The following AGAP4 variants were observed in gnomAD, a reference collection of about 807,000 sequenced individuals.
AGAP4 encodes the protein arf-GAP with GTPase, ANK repeat and PH domain-containing protein 4.
AGAP4 carries 13 observed loss-of-function variants against 60.7 expected under a neutral mutation model. The ratio of observed to expected loss-of-function variants is 0.21; its 90% CI spans 0.14 to 0.34. The LOEUF (loss-of-function observed/expected upper bound fraction) is 0.34, where lower values mean the gene tolerates loss of function less well. AGAP4 is among the 10% of genes least tolerant of loss of function. The pLI is 1.00. For synonymous variants in AGAP4, 70 were observed against 339.0 expected, an observed-to-expected ratio of 0.21 and a Z score of 8.72; for missense variants, 169 against 884.0, an observed-to-expected ratio of 0.19 and a Z score of 10.26.
At chr10:45,841,337 G>C (rs1471658182) in intron 4 of AGAP4, among the ~76,000 whole-genome samples, 1 of 148,880 alleles carries the variant, frequency 6.7e-6, no homozygotes, top group Non-Finnish European at 1.5e-5. Context: ...CCTGACCTCA[G>C]ATGATCAGCC....
At position 45,826,654 on chromosome 10, in the gene AGAP4, TG is replaced by T; in HGVS notation, c.1321del (p.Gln441ArgfsTer18). 6 of 1,361,942 alleles carry T rather than the reference TG, an allele frequency of 4.4e-6. No homozygotes were observed. In the African/African-American group the frequency reaches 4.7e-5, roughly 11 times the overall value. The allele number at this position is 1,361,942 out of a possible 1,614,324, so 84.4% of individuals were successfully genotyped here. ...RDAWVQAIQS[Q>X]ILASLQSCES... ...GCATGACTGCAGGCTGGCCAGGATCTGGCTCTGGATGGCTTGGACCCAGGCA... is the reference window on the plus strand; with the variant it reads ...GCATGACTGCAGGCTGGCCAGGATCTGCTCTGGATGGCTTGGACCCAGGCA... On this transcript the variant is annotated frameshift_variant, in exon 8 of 8. Coordinates refer to ENST00000616763, the MANE Select transcript of AGAP4 (RefSeq NM_001276343.3). LOFTEE classifies it high-confidence loss of function.
chr10:45,830,096 C>A (rs1258126595), intron 6 of AGAP4, among the ~76,000 whole-genome samples: 2 of 148,888 alleles, frequency 1.3e-5, no homozygotes, highest in African/African-American at 4.9e-5. Context: ...TTAACAAATA[C>A]CCACAACTGT....
At chr10:45,852,887 A>G (rs2059101735) in intron 1 of AGAP4, among the ~76,000 whole-genome samples, 1 of 151,788 alleles carries the variant, frequency 6.6e-6, no homozygotes, top group Admixed American at 6.6e-5. Context: ...AAGTTACAAA[A>G]TAGTGCCCAT....
rs1232768316 is a variant in AGAP4 at position 45,827,381 on chromosome 10, C to A, written c.595G>T (p.Val199Leu). The A allele has an allele frequency of 3.6e-5, 58 of 1,593,836 alleles. 3 individuals are homozygous for A. In the Middle Eastern group the frequency reaches 8.4e-4, roughly 23 times the overall value. The change falls in exon 8 of 8, where the codon GTG becomes TTG. Residue 199 changes from valine (V) to leucine (L), a missense_variant. Coordinates refer to ENST00000616763, the MANE Select transcript of AGAP4 (RefSeq NM_001276343.3). ...EQLHSFAVST[V>L]HIMKKRNGGG... is the part of the protein sequence containing the mutation. ...CCATTTCTTTTCTTCATAATGTGCA[C>A]GGTGGAAACCTGTGTGGAACAGAAG... is the stretch of plus-strand genomic sequence containing the variant.
upstream of AGAP4, among the ~76,000 whole-genome samples, chr10:45,851,535 T>A (rs1336474207): frequency 6.6e-6 from 1 of 151,710 alleles, no homozygotes; most frequent in African/African-American, 2.4e-5. Context: ...GGTAAAGTAG[T>A]GAACTGGAGG....
rs1250555067 is a variant in AGAP4 at position 45,845,421 on chromosome 10, G to A, written c.293-1027C>T. Among the ~76,000 whole-genome samples, 4 of 101,246 alleles carry A rather than the reference G, an allele frequency of 4.0e-5. 1 individual carries two copies. The highest frequency in any genetic ancestry group is 8.4e-5 in the Non-Finnish European group (4 of 47,602). 66.4% of individuals were successfully genotyped at this position (101,246 alleles called of 152,430 possible). On this transcript the variant is annotated intron_variant, in intron 2 of 7. Transcript: ENST00000616763. Reference sequence around the variant, plus strand: ...GGATGTAATATGTTTATGATGCAATGTTTTCTATTTTGAAAATTTCAGTTT... The same window carrying A: ...GGATGTAATATGTTTATGATGCAATATTTTCTATTTTGAAAATTTCAGTTT...
In AGAP4 at chr10:45,847,482, G is replaced by C; in HGVS notation, c.-135C>G. 4 of 1,529,450 alleles carry C rather than the reference G, an allele frequency of 2.6e-6. No homozygotes were observed. The highest frequency in any genetic ancestry group is 3.5e-6 in the Non-Finnish European group (4 of 1,145,162). 94.7% of individuals were successfully genotyped at this position (1,529,450 alleles called of 1,614,324 possible). On this transcript the variant is annotated 5_prime_UTR_variant, in exon 1 of 8. Coordinates refer to ENST00000616763, the MANE Select transcript of AGAP4 (RefSeq NM_001276343.3). Reference sequence around the variant, plus strand: ...GCTCCTCGCCTGCCCACCTCACAGCGCGGCCCCGGGCACCAGCCCTGGCCC... The same window carrying C: ...GCTCCTCGCCTGCCCACCTCACAGCCCGGCCCCGGGCACCAGCCCTGGCCC...
At chr10:45,849,511 G>A (rs1399917972), upstream of AGAP4, among the ~76,000 whole-genome samples, 1 of 149,126 alleles carries the variant, frequency 6.7e-6, no homozygotes, top group South Asian at 2.1e-4. Context: ...TTGAGATGAA[G>A]TTTTGCTCTT....
At chr10:45,838,801 A>C (rs2058869322) in intron 4 of AGAP4, among the ~76,000 whole-genome samples, 1 of 151,774 alleles carries the variant, frequency 6.6e-6, no homozygotes, top group South Asian at 2.1e-4. Flanking sequence ...AAAATGAACA[A>C]ATCTTAATTA....
At chr10:45,850,187 C>T (rs2059066323), upstream of AGAP4, among the ~76,000 whole-genome samples, 2 of 151,162 alleles carry the variant, frequency 1.3e-5, no homozygotes, top group Admixed American at 1.3e-4. Context: ...CCTTGGCCTC[C>T]CAAAGTGCTG....
intron 4 of AGAP4, among the ~76,000 whole-genome samples, chr10:45,834,837 G>A (rs1480160143): frequency 6.9e-6 from 1 of 145,720 alleles, no homozygotes; most frequent in African/African-American, 2.8e-5. Flanking sequence ...GCAGTGGCGC[G>A]ATCTCGGCTC....
chr10:45,835,473 T>C (rs1431501678), intron 4 of AGAP4, among the ~76,000 whole-genome samples: 17 of 39,774 alleles, frequency 4.3e-4, no homozygotes, highest in African/African-American at 2.0e-3. Flanking sequence ...ACTTGATCAA[T>C]TGCATTCTAT....
At position 45,831,421 on chromosome 10, in the gene AGAP4, A is replaced by G; in HGVS notation, c.506T>C (p.Leu169Ser). ...TTGTGTGATATGATGAGGTATCTCC[A>G]AGGTCACACTGTGGAAGGAAAAAAA... ...YLTMTIISVT[L>S]EIPHHITQRD... The change falls in exon 6 of 8, where the codon TTG becomes TCG. Residue 169 changes from leucine (L) to serine (S), a missense_variant. By Grantham distance (145) the Leu-to-Ser change is moderately radical. Transcript: ENST00000616763. 5 of 1,587,724 alleles carry G rather than the reference A, an allele frequency of 3.1e-6. No individual in the cohort carries two copies. Among genetic ancestry groups the G allele is most frequent in the Non-Finnish European group, 4.3e-6 (5 of 1,171,664 alleles).
chr10:45,849,868 A>G (rs1428729218), upstream of AGAP4, among the ~76,000 whole-genome samples: 3 of 151,380 alleles, frequency 2.0e-5, no homozygotes, highest in Non-Finnish European at 2.9e-5. Context: ...TCAGCCTCCC[A>G]AAGTGCTAGG....
intron 6 of AGAP4, among the ~76,000 whole-genome samples, chr10:45,830,109 G>A (rs2058707318): frequency 6.7e-6 from 1 of 148,974 alleles, no homozygotes; most frequent in Non-Finnish European, 1.5e-5. Flanking sequence ...ACAACTGTCT[G>A]AAAACTTTAA....
upstream of AGAP4, among the ~76,000 whole-genome samples, chr10:45,850,126 A>G (rs1346803450): frequency 6.6e-6 from 1 of 151,732 alleles, no homozygotes; most frequent in African/African-American, 2.4e-5. Context: ...ATGGGGTTTC[A>G]CCATGTTGCT....
At chr10:45,842,388 C>A (rs1450942440) in intron 3 of AGAP4, among the ~76,000 whole-genome samples, 1 of 150,604 alleles carries the variant, frequency 6.6e-6, no homozygotes. Context: ...ACCACAGGCA[C>A]GTGCCACCAT....
chr10:45,851,147 T>A (rs1217829659), upstream of AGAP4, among the ~76,000 whole-genome samples: 1 of 151,788 alleles, frequency 6.6e-6, no homozygotes, highest in Non-Finnish European at 1.5e-5. Context: ...AGAAAGCAAT[T>A]GAAGCCATGG....
Position 45,837,670 on chromosome 10 carries a change from G to A in AGAP4, c.397-3554C>T, listed in dbSNP as rs1350448822. Among the ~76,000 whole-genome samples, 13 of 151,816 alleles carry A rather than the reference G, an allele frequency of 8.6e-5. 1 individual carries two copies. The highest frequency in any genetic ancestry group is 3.9e-4 in the East Asian group (2 of 5,176). On this transcript the variant is annotated intron_variant, in intron 4 of 7. Transcript: ENST00000616763. Reference sequence around the variant, plus strand: ...CTGGGATAATTGGCAAGCCACATGCGGGAGAATGAAACTGGATCCTCAACT... The same window carrying A: ...CTGGGATAATTGGCAAGCCACATGCAGGAGAATGAAACTGGATCCTCAACT...
Sources: allele counts gnomAD v4.1 joint callset (sites outside exome capture counted in the v4.1 genomes callset), GRCh38; gene constraint gnomAD v4.1.1; transcripts MANE v1.5; gene names NCBI Gene and HGNC (gene_info 2026-07-23, HGNC 2026-07-21).